The following CDH8 variants were observed in gnomAD, a reference collection of about 807,000 sequenced individuals.
The protein encoded by CDH8 is cadherin 8.
CDH8 carries 17 observed loss-of-function variants against 68.1 expected under a neutral mutation model. That is an observed-to-expected ratio of 0.25 (90% CI 0.17 to 0.37). The LOEUF is 0.37. CDH8 is among the 10% of genes least tolerant of loss of function. The pLI is 1.00. For missense variants in CDH8, 763 were observed against 999.3 expected (o/e 0.76, Z 3.19); for synonymous variants, 372 against 365.1 (o/e 1.02, Z -0.21).
intron 3 of CDH8, among the ~76,000 whole-genome samples, chr16:61,880,838 C>T (rs952339775): frequency 1.1e-4 from 17 of 152,172 alleles, no homozygotes; most frequent in African/African-American, 2.7e-4. Flanking sequence ...GACATGATCA[C>T]GTTACATGAG....
chr16:61,891,328 C>T (rs915119841), intron 3 of CDH8, among the ~76,000 whole-genome samples: 1 of 150,598 alleles, frequency 6.6e-6, no homozygotes, highest in Non-Finnish European at 1.5e-5. Context: ...ACAAAAGTTA[C>T]TCAAATAAAC....
chr16:61,797,027 A>G (rs1404378587), intron 7 of CDH8, among the ~76,000 whole-genome samples: 2 of 152,082 alleles, frequency 1.3e-5, no homozygotes, highest in Non-Finnish European at 2.9e-5. Flanking sequence ...TGTTTCCTCA[A>G]TTAACACAGC....
At chr16:61,890,310 C>T (rs1005167558) in intron 3 of CDH8, among the ~76,000 whole-genome samples, 11 of 152,218 alleles carry the variant, frequency 7.2e-5, no homozygotes, top group African/African-American at 2.6e-4. Flanking sequence ...TAAGCATTAG[C>T]TACTACTGTG....
chr16:61,980,021 A>G (rs1290502822), intron 2 of CDH8, among the ~76,000 whole-genome samples: 1 of 152,206 alleles, frequency 6.6e-6, no homozygotes, highest in Non-Finnish European at 1.5e-5. Context: ...ATCAGAAAGT[A>G]GGAACTAAAG....
chr16:61,677,641 T>G (rs565554705), intron 10 of CDH8, among the ~76,000 whole-genome samples: 1 of 152,216 alleles, frequency 6.6e-6, no homozygotes, highest in South Asian at 2.1e-4. Flanking sequence ...AATTTCAGCC[T>G]CTATGTAAGT....
intron 10 of CDH8, among the ~76,000 whole-genome samples, chr16:61,661,911 A>G (rs1401741456): frequency 6.6e-6 from 1 of 151,660 alleles, no homozygotes; most frequent in Middle Eastern, 3.2e-3. Flanking sequence ...CTTCTAATAC[A>G]ATTTTGAGTA....
At chr16:61,936,528 C>T (rs148625126) in intron 2 of CDH8, among the ~76,000 whole-genome samples, 5 of 152,082 alleles carry the variant, frequency 3.3e-5, no homozygotes, top group South Asian at 2.1e-4. Context: ...TATGTAGCTA[C>T]GAAGAGCAAT....
At chr16:61,939,448 T>C (rs1217318544) in intron 2 of CDH8, among the ~76,000 whole-genome samples, 3 of 152,240 alleles carry the variant, frequency 2.0e-5, no homozygotes, top group Admixed American at 1.3e-4. Flanking sequence ...GATTTTTCTT[T>C]GACAGCTAAG....
Position 61,784,116 on chromosome 16 carries a change from T to G in CDH8, c.1414+5230A>C, listed in dbSNP as rs370527952. The stretch of plus-strand genomic sequence containing the variant: ...AACTTTAAATGTAAATGGACTAAAT[T>G]CTCCAATTAAAAGACACAGACTGGC... On this transcript the variant is annotated intron_variant, in intron 8 of 11. Transcript: ENST00000577390. 6.1e-3 allele frequency among the ~76,000 whole-genome samples: 922 copies of G among 150,380 alleles called. 9 individuals carry two copies. The highest frequency in any genetic ancestry group is 0.025 in the Admixed American group (384 of 15,066).
chr16:61,652,959 C>G lies in CDH8; in HGVS notation c.*649G>C. On this transcript the variant is annotated 3_prime_UTR_variant, in exon 12 of 12. Transcript: ENST00000577390. ...CTCCCACCACTGAATTGGCAAGCCC[C>G]ACCCTGGAATGGATTACGAACATGT... is the stretch of plus-strand genomic sequence containing the variant. The G allele has an allele frequency of 6.6e-7, 1 of 1,521,062 alleles. No individual in the cohort carries two copies. The highest frequency in any genetic ancestry group is 1.4e-5 in the African/African-American group (1 of 72,608). 94.2% of individuals were successfully genotyped at this position (1,521,062 alleles called of 1,614,324 possible).
chr16:61,967,414 G>T (rs1417816907), intron 2 of CDH8, among the ~76,000 whole-genome samples: 1 of 152,120 alleles, frequency 6.6e-6, no homozygotes, highest in Non-Finnish European at 1.5e-5. Flanking sequence ...CTCATGCTGG[G>T]ATTAAAATAT....
chr16:61,683,105 T>C (rs372026131), intron 10 of CDH8, among the ~76,000 whole-genome samples: 3 of 152,020 alleles, frequency 2.0e-5, no homozygotes, highest in East Asian at 3.9e-4. Context: ...GCACTTTTTC[T>C]ACTTTTATAT....
intron 10 of CDH8, among the ~76,000 whole-genome samples, chr16:61,670,368 A>G (rs1041814224): frequency 5.9e-5 from 9 of 152,082 alleles, no homozygotes; most frequent in Admixed American, 1.3e-4. Flanking sequence ...GAATAAATAC[A>G]TAATAGGCAT....
intron 2 of CDH8, among the ~76,000 whole-genome samples, chr16:62,015,351 C>G (rs1901910747): frequency 1.3e-5 from 2 of 151,966 alleles, no homozygotes; most frequent in African/African-American, 4.8e-5. Flanking sequence ...ACTTCTAGTC[C>G]CAAGCATTTT....
In CDH8 at chr16:61,653,326, A is replaced by T; in HGVS notation, c.*282T>A. On this transcript the variant is annotated 3_prime_UTR_variant, in exon 12 of 12. Coordinates refer to ENST00000577390, the MANE Select transcript of CDH8 (RefSeq NM_001796.5). ...ACCATTTATCTAAGGATTAGCCAGG[A>T]TCCCAATCTTTGTCTGTGGTGGTCA... is the stretch of plus-strand genomic sequence containing the variant. 8.2e-7 allele frequency: 1 copy of T among 1,215,396 alleles called. No homozygotes were observed. Among genetic ancestry groups the T allele is most frequent in the South Asian group, 3.6e-5 (1 of 27,408 alleles). 75.3% of individuals were successfully genotyped at this position (1,215,396 alleles called of 1,614,324 possible).
At chr16:61,723,887 C>T (rs1221510049) in intron 9 of CDH8, among the ~76,000 whole-genome samples, 1 of 150,626 alleles carries the variant, frequency 6.6e-6, no homozygotes, top group Non-Finnish European at 1.5e-5. Flanking sequence ...ATGACTATAT[C>T]ATGTCTGAAT....
chr16:61,787,376 C>G (rs1385103680), intron 8 of CDH8, among the ~76,000 whole-genome samples: 1 of 145,968 alleles, frequency 6.9e-6, no homozygotes, highest in Non-Finnish European at 1.5e-5. Flanking sequence ...AAATGCAAAT[C>G]AAAACCACTA....
At chr16:61,849,894 A>G (rs187894492) in intron 4 of CDH8, among the ~76,000 whole-genome samples, 1 of 152,160 alleles carries the variant, frequency 6.6e-6, no homozygotes, top group Admixed American at 6.6e-5. Flanking sequence ...AAATAACAAA[A>G]GTAATGATAT....
chr16:61,827,919 A>T (rs1174171407), intron 4 of CDH8, among the ~76,000 whole-genome samples: 1 of 151,840 alleles, frequency 6.6e-6, no homozygotes, highest in Non-Finnish European at 1.5e-5. Context: ...GTCGATTAAC[A>T]TATAAATAGA....
Sources: allele counts gnomAD v4.1 joint callset (sites outside exome capture counted in the v4.1 genomes callset), GRCh38; gene constraint gnomAD v4.1.1; transcripts MANE v1.5; gene names NCBI Gene and HGNC (gene_info 2026-07-23, HGNC 2026-07-21).